Variants in ZNF385D observed in about 807,000 individuals in gnomAD.
The protein encoded by ZNF385D is zinc finger protein 659.
A neutral mutation model predicts 35.8 loss-of-function variants in ZNF385D; 15 were observed. The observed-to-expected ratio is 0.42, with a 90% CI of 0.28 to 0.64. The LOEUF is 0.64. ZNF385D is among the 30% of genes least tolerant of loss of function. The pLI is 0.23. For missense variants in ZNF385D, 474 were observed against 494.6 expected, an observed-to-expected ratio of 0.96 and a Z score of 0.39; for synonymous variants, 212 against 186.8, an observed-to-expected ratio of 1.13 and a Z score of -1.10.
chr3:22,371,717 G>T (rs1412353115), intron 2 of ZNF385D, among the ~76,000 whole-genome samples: 1 of 152,120 alleles, frequency 6.6e-6, no homozygotes, highest in East Asian at 1.9e-4. Flanking sequence ...CTTCTAATTT[G>T]CTCCTCCAGG....
At chr3:21,865,489 C>T (rs538005177) in intron 3 of ZNF385D, among the ~76,000 whole-genome samples, 51 of 152,224 alleles carry the variant, frequency 3.4e-4, no homozygotes, top group Middle Eastern at 3.4e-3. Flanking sequence ...TTATCACCAA[C>T]ACTGCTATCA....
At chr3:22,205,868 AAAAT>A (rs1474762022) in intron 2 of ZNF385D, among the ~76,000 whole-genome samples, 1 of 152,026 alleles carries the variant, frequency 6.6e-6, no homozygotes, top group Non-Finnish European at 1.5e-5. Flanking sequence ...AAGCAACCAG[AAAAT>A]AAATAGCCAA....
At chr3:21,486,966 A>AAGTGGCAGAC (rs1312046185) in intron 4 of ZNF385D, among the ~76,000 whole-genome samples, 2 of 152,132 alleles carry the variant, frequency 1.3e-5, no homozygotes, top group Non-Finnish European at 2.9e-5. Flanking sequence ...ATTCTACTGG[A>AAGTGGCAGAC]AGTGGCAGAC....
intron 3 of ZNF385D, among the ~76,000 whole-genome samples, chr3:21,968,935 G>A (rs1054471110): frequency 2.6e-5 from 4 of 152,204 alleles, no homozygotes; most frequent in Non-Finnish European, 5.9e-5. Context: ...TCTGATTCCT[G>A]GCCAAGCTGC....
chr3:21,578,366 CTG>C (rs1282320531), intron 2 of ZNF385D, among the ~76,000 whole-genome samples: 1 of 152,050 alleles, frequency 6.6e-6, no homozygotes, highest in African/African-American at 2.4e-5. Context: ...CCTTTGTTGA[CTG>C]TACTTTTGAA....
chr3:21,580,556 C>T (rs1165886218), intron 2 of ZNF385D, among the ~76,000 whole-genome samples: 3 of 151,878 alleles, frequency 2.0e-5, no homozygotes, highest in Non-Finnish European at 4.4e-5. Flanking sequence ...TCTTGCTTTA[C>T]TGCCTATTTT....
intron 3 of ZNF385D, among the ~76,000 whole-genome samples, chr3:22,149,350 T>A (rs1166898813): frequency 6.6e-6 from 1 of 152,206 alleles, no homozygotes; most frequent in East Asian, 1.9e-4. Context: ...AGGTTAACTA[T>A]GTTTGCACTA....
At position 22,090,505 on chromosome 3, in the gene ZNF385D, A is replaced by C. The variant is rs186129139; in HGVS notation, c.325+78312T>G. On this transcript the variant is annotated intron_variant, in intron 3 of 5. Transcript: ENST00000494108. Reference sequence around the variant, plus strand: ...TCTGAGTGACCCTGAGCTCTTACAGAGAAAAAAAAAATAAGCTCTCAGTTC... The same window carrying C: ...TCTGAGTGACCCTGAGCTCTTACAGCGAAAAAAAAAATAAGCTCTCAGTTC... Among the ~76,000 whole-genome samples the C allele has an allele frequency of 1.2e-4, 18 of 152,108 alleles. No homozygotes were observed. The East Asian group carries it at 3.5e-3, about 29-fold the overall frequency.
chr3:21,633,498 A>C (rs547713281), intron 2 of ZNF385D, among the ~76,000 whole-genome samples: 1 of 150,816 alleles, frequency 6.6e-6, no homozygotes, highest in Admixed American at 6.6e-5. Flanking sequence ...TAATACACAT[A>C]TCTGTATTCA....
chr3:21,619,742 C>T (rs1160062679), intron 2 of ZNF385D, among the ~76,000 whole-genome samples: 1 of 152,002 alleles, frequency 6.6e-6, no homozygotes, highest in Non-Finnish European at 1.5e-5. Flanking sequence ...GGGGAAGACC[C>T]CACTATATTC....
chr3:22,156,176 C>T (rs374109633), intron 3 of ZNF385D, among the ~76,000 whole-genome samples: 3 of 152,008 alleles, frequency 2.0e-5, no homozygotes, highest in African/African-American at 7.2e-5. Flanking sequence ...AAATGTACTT[C>T]TAGGAAAAAA....
At chr3:21,652,834 A>G (rs1490610478) in intron 2 of ZNF385D, among the ~76,000 whole-genome samples, 1 of 152,228 alleles carries the variant, frequency 6.6e-6, no homozygotes, top group Non-Finnish European at 1.5e-5. Flanking sequence ...TTTCTAAAAT[A>G]CAAAAGCTAT....
At chr3:22,336,299 T>C (rs1695156798) in intron 2 of ZNF385D, among the ~76,000 whole-genome samples, 1 of 152,190 alleles carries the variant, frequency 6.6e-6, no homozygotes, top group African/African-American at 2.4e-5. Flanking sequence ...TTTAGGGTGA[T>C]GCCTGAAATA....
chr3:22,043,962 T>G (rs1364694919), intron 3 of ZNF385D, among the ~76,000 whole-genome samples: 1 of 151,328 alleles, frequency 6.6e-6, no homozygotes, highest in African/African-American at 2.4e-5. Context: ...CAGGCTGGAG[T>G]GGGTTGAGAA....
chr3:22,213,135 G>C (rs989527948), intron 2 of ZNF385D, among the ~76,000 whole-genome samples: 1 of 152,098 alleles, frequency 6.6e-6, no homozygotes, highest in African/African-American at 2.4e-5. Flanking sequence ...ATAATTATTA[G>C]AAGTTTGTCA....
chr3:21,785,708 C>A (rs1191067389), intron 3 of ZNF385D, among the ~76,000 whole-genome samples: 1 of 152,176 alleles, frequency 6.6e-6, no homozygotes, highest in Non-Finnish European at 1.5e-5. Flanking sequence ...TATCATAACA[C>A]AATAACAAAC....
chr3:22,347,101 G>C (rs1051292335), intron 2 of ZNF385D, among the ~76,000 whole-genome samples: 3 of 152,116 alleles, frequency 2.0e-5, no homozygotes, highest in Non-Finnish European at 2.9e-5. Flanking sequence ...TAAAGAGAGA[G>C]ACACATATTT....
intron 2 of ZNF385D, among the ~76,000 whole-genome samples, chr3:22,220,977 A>G (rs906536309): frequency 1.2e-4 from 18 of 152,302 alleles, no homozygotes; most frequent in African/African-American, 4.3e-4. Flanking sequence ...GGAGAAAGCA[A>G]TCTCTATAAA....
chr3:22,035,733 T>C (rs1029775191), intron 3 of ZNF385D, among the ~76,000 whole-genome samples: 3 of 152,180 alleles, frequency 2.0e-5, no homozygotes, highest in Non-Finnish European at 2.9e-5. Context: ...GGGGAGTTTC[T>C]GAAAGAAATA....
Sources: allele counts gnomAD v4.1 joint callset (sites outside exome capture counted in the v4.1 genomes callset), GRCh38; gene constraint gnomAD v4.1.1; transcripts MANE v1.5; gene names NCBI Gene and HGNC (gene_info 2026-07-23, HGNC 2026-07-21).